Variants in SKIL observed in about 807,000 individuals in gnomAD.
SKIL encodes SKI like proto-oncogene.
A neutral mutation model predicts 69.6 loss-of-function variants in SKIL; 20 were observed. The ratio of observed to expected loss-of-function variants is 0.29; its 90% confidence interval spans 0.20 to 0.42. The LOEUF is 0.42. SKIL is among the 10% of genes least tolerant of loss of function. SKIL has a pLI of 1.00. For synonymous variants in SKIL, 310 were observed against 279.9 expected (o/e 1.11, Z -1.08); for missense variants, 745 against 783.1 (o/e 0.95, Z 0.58).
intron 2 of SKIL, among the ~76,000 whole-genome samples, chr3:170,380,786 T>C (rs1342452784): frequency 1.3e-5 from 2 of 152,156 alleles, no homozygotes; most frequent in African/African-American, 4.8e-5. Context: ...GAGTTTCAGG[T>C]GATAATCAGG....
At chr3:170,380,663 TA>T (rs1180300037) in intron 2 of SKIL, among the ~76,000 whole-genome samples, 2 of 151,462 alleles carry the variant, frequency 1.3e-5, no homozygotes, top group Non-Finnish European at 2.9e-5. Context: ...AAAAAATAAA[TA>T]AATAAAATAG....
rs769055830 is a variant in SKIL, at chr3:170,391,131, T to C, written c.1767T>C (p.His589=). ...AGCTTGAATCTTTGCAGAATGAACATGCTCAAAGAATGGAAGAATTTTATG... is the reference window on the plus strand; with the variant it reads ...AGCTTGAATCTTTGCAGAATGAACACGCTCAAAGAATGGAAGAATTTTATG... ...QKELESLQNE[H]AQRMEEFYVE... Residue 589 remains histidine (H), a synonymous_variant, in exon 6 of 7, where the codon CAT becomes CAC. Transcript: ENST00000259119. The C allele has an allele frequency of 6.2e-7, 1 of 1,609,856 alleles. No homozygotes were observed. The highest frequency in any genetic ancestry group is 2.2e-5 in the East Asian group (1 of 44,854).
chr3:170,391,206 A>G lies in SKIL; in HGVS notation c.1842A>G (p.Lys614=), dbSNP rs774310283. The G allele has an allele frequency of 6.2e-7, 1 of 1,613,090 alleles. No individual in the cohort carries two copies. The change falls in exon 6 of 7, where the codon AAA becomes AAG. Residue 614 remains lysine, a synonymous_variant. Transcript: ENST00000259119. ...EKKLEQIMKQ[K]CTCDSNLEKD... ...AATTGGAGCAGATAATGAAGCAAAA[A>G]TGTACCTGTGACTCAAATTTAGAAA...
At chr3:170,381,192 A>C in intron 2 of SKIL, 52 bp from the exon 3 acceptor site, 1 of 989,426 alleles carries the variant, frequency 1.0e-6, no homozygotes, top group Non-Finnish European at 1.6e-6. Context: ...ACATAAAATT[A>C]ACCTTCACAG....
At position 170,357,736 on chromosome 3, in the gene SKIL, G is replaced by GCGGCGA. The variant is rs912288864; in HGVS notation, c.-655_-650dup. ...CGGCACAGCCGAAGGGAGCGGGCGA[G>GCGGCGA]CGGCGACGGCGGCGGCGGCGGGCAC... On this transcript the variant is annotated 5_prime_UTR_variant, in exon 1 of 7. Transcript: ENST00000259119. 4 of 164,702 alleles carry GCGGCGA rather than the reference G, an allele frequency of 2.4e-5. No individual in the cohort carries two copies. Among genetic ancestry groups the GCGGCGA allele is most frequent in the African/African-American group, 9.7e-5 (4 of 41,036 alleles). 10.2% of individuals were successfully genotyped at this position (164,702 alleles called of 1,614,324 possible).
chr3:170,361,712 T>C, intron 2 of SKIL, among the ~76,000 whole-genome samples: 1 of 151,770 alleles, frequency 6.6e-6, no homozygotes, highest in Non-Finnish European at 1.5e-5. Context: ...CCCAAAATTA[T>C]GTAGCCAGGG....
At chr3:170,391,428 C>T (rs1737911781) in intron 6 of SKIL, among the ~76,000 whole-genome samples, 168 bp downstream of exon 6, 1 of 151,940 alleles carries the variant, frequency 6.6e-6, no homozygotes, top group South Asian at 2.1e-4. Context: ...AGCAATTTTC[C>T]TGCCTCAGCC....
At chr3:170,385,547 G>T (rs1737578236) in intron 4 of SKIL, among the ~76,000 whole-genome samples, 1 of 152,162 alleles carries the variant, frequency 6.6e-6, no homozygotes, top group East Asian at 1.9e-4. Context: ...TAGCATAAAT[G>T]TGGAATATTG....
In SKIL at chr3:170,360,135, G is replaced by C; in HGVS notation, c.-197G>C. The C allele has an allele frequency of 2.0e-6, 1 of 493,350 alleles. No individual in the cohort carries two copies. The highest frequency in any genetic ancestry group is 3.8e-5 in the Admixed American group (1 of 26,342). 30.6% of individuals were successfully genotyped at this position (493,350 alleles called of 1,614,324 possible). A position where few individuals can be genotyped will look rare whatever the true frequency, so the allele number is the denominator to read the frequency against. ...CAAAACGAACAATTTTATAGGATTT[G>C]TAGTGAAATTATACCAGATTATAAG... is the stretch of plus-strand genomic sequence containing the variant. On this transcript the variant is annotated 5_prime_UTR_variant, in exon 2 of 7. Transcript: ENST00000259119.
chr3:170,383,663 T>C (rs944128539), intron 3 of SKIL, among the ~76,000 whole-genome samples: 27 of 152,166 alleles, frequency 1.8e-4, no homozygotes, highest in African/African-American at 6.5e-4. Context: ...TTCAAGAAGA[T>C]TGCTCAGTGG....
chr3:170,362,793 C>T (rs1004468801), intron 2 of SKIL, among the ~76,000 whole-genome samples: 11 of 149,560 alleles, frequency 7.4e-5, no homozygotes, highest in African/African-American at 2.2e-4. Flanking sequence ...CCATCCTGGG[C>T]GTCAGAGTAA....
rs542866555 is a variant in SKIL, at chr3:170,357,742, A to ACGGCGG, written c.-645_-640dup. The ACGGCGG allele has an allele frequency of 9.8e-5, 16 of 162,652 alleles. No individual in the cohort carries two copies. The highest frequency in any genetic ancestry group is 3.4e-4 in the South Asian group (2 of 5,844). The allele number at this position is 162,652 out of a possible 1,614,324, so 10.1% of individuals were successfully genotyped here. ...AGCCGAAGGGAGCGGGCGAGCGGCG[A>ACGGCGG]CGGCGGCGGCGGCGGGCACAGGTGC... On this transcript the variant is annotated 5_prime_UTR_variant, in exon 1 of 7. Transcript: ENST00000259119.
chr3:170,384,759 C>T lies in SKIL; in HGVS notation c.1423C>T (p.Arg475Cys). Residue 475 changes from arginine to cysteine, a missense_variant, in exon 4 of 7, where the codon CGT becomes TGT. Coordinates refer to ENST00000259119, the MANE Select transcript of SKIL (RefSeq NM_005414.5). Reference protein sequence around the residue: ...DLKTSRELCSRLDASISNNST... With the variant: ...DLKTSRELCSCLDASISNNST... ...AAAAACAAGTAGAGAATTATGTAGCCGTTTAGGTAAGTATTCAGAGATTAT... is the reference window on the plus strand; with the variant it reads ...AAAAACAAGTAGAGAATTATGTAGCTGTTTAGGTAAGTATTCAGAGATTAT... 1.3e-6 allele frequency: 2 copies of T among 1,496,788 alleles called. No homozygotes were observed. The highest frequency in any genetic ancestry group is 2.3e-5 in the South Asian group (2 of 86,412). The allele number at this position is 1,496,788 out of a possible 1,614,324, so 92.7% of individuals were successfully genotyped here. A position where few individuals can be genotyped will look rare whatever the true frequency, so the allele number is the denominator to read the frequency against.
intron 4 of SKIL, among the ~76,000 whole-genome samples, chr3:170,387,935 A>AC (rs1737732422): frequency 6.9e-6 from 1 of 145,224 alleles, no homozygotes; most frequent in Non-Finnish European, 1.5e-5. Flanking sequence ...CTCCGTCTCA[A>AC]AAAAAAAAAA....
At chr3:170,370,193 C>A (rs896272429) in intron 2 of SKIL, among the ~76,000 whole-genome samples, 18 of 151,932 alleles carry the variant, frequency 1.2e-4, no homozygotes, top group African/African-American at 4.4e-4. Flanking sequence ...GAGCCGAGAT[C>A]GCGCCACTGC....
chr3:170,362,529 A>G (rs1200815575), intron 2 of SKIL, among the ~76,000 whole-genome samples: 6 of 62,920 alleles, frequency 9.5e-5, no homozygotes, highest in African/African-American at 3.9e-4. Flanking sequence ...CAAACAACCT[A>G]TCAACAGGTG....
chr3:170,357,806 G>A (rs1736006373), intron 1 of SKIL, 43 bp downstream of exon 1: 1 of 158,390 alleles, frequency 6.3e-6, no homozygotes, highest in Non-Finnish European at 1.4e-5. Context: ...GAGGCGGCGG[G>A]AGGCCAGAGG....
chr3:170,371,350 TAAAA>T (rs1446914591), intron 2 of SKIL, among the ~76,000 whole-genome samples: 1 of 150,898 alleles, frequency 6.6e-6, no homozygotes, highest in East Asian at 2.0e-4. Context: ...AAAATAATAA[TAAAA>T]AAAATAGCTG....
intron 2 of SKIL, among the ~76,000 whole-genome samples, chr3:170,378,549 CTCTCTTTT>C (rs1737152177): frequency 1.8e-5 from 1 of 55,458 alleles, no homozygotes; most frequent in Admixed American, 2.2e-4. Flanking sequence ...CTCTCTCTCT[CTCTCTTTT>C]TTTTTTTTTT....
Sources: gnomAD v4.1 joint callset for allele counts (sites outside exome capture counted in the v4.1 genomes callset) on GRCh38, gnomAD v4.1.1 for gene constraint, MANE v1.5 for transcripts, NCBI Gene and HGNC (gene_info 2026-07-23, HGNC 2026-07-21) for gene names.